Variants in ARAP1 observed in about 807,000 individuals in gnomAD.
The protein encoded by ARAP1 is arf-GAP with Rho-GAP domain, ANK repeat and PH domain-containing protein 1.
ARAP1 carries 76 observed loss-of-function variants against 172.2 expected under a neutral mutation model. The ratio of observed to expected loss-of-function variants is 0.44; its 90% CI spans 0.37 to 0.53. The LOEUF (loss-of-function observed/expected upper bound fraction) is 0.53, where lower values mean the gene tolerates loss of function less well. Ranked by LOEUF, ARAP1 falls within the 20% of genes least tolerant of loss-of-function variation. The probability of loss-of-function intolerance (pLI) is 0.00; values close to 1 mark genes in which losing one functional copy is unlikely to be tolerated. For synonymous variants in ARAP1, 804 were observed against 803.3 expected, an observed-to-expected ratio of 1.00 and a Z score of -0.01; for missense variants, 1,686 against 1,977.5, an observed-to-expected ratio of 0.85 and a Z score of 2.80.
At chr11:72,723,980 G>A (rs1266929500) in intron 3 of ARAP1, among the ~76,000 whole-genome samples, 2 of 152,228 alleles carry the variant, frequency 1.3e-5, no homozygotes, top group African/African-American at 4.8e-5. Context: ...GCACACTCGC[G>A]GATGTACTCA....
intron 34 of ARAP1, 108 bp from the exon 35 acceptor site, chr11:72,685,789 A>T (rs776482508): frequency 6.0e-6 from 9 of 1,495,158 alleles, no homozygotes; most frequent in Non-Finnish European, 8.4e-6. Flanking sequence ...CCAGCCGGGG[A>T]GCACTCCAAT....
At position 72,695,521 on chromosome 11, in the gene ARAP1, C is replaced by A; in HGVS notation, c.3507+21G>T. The A allele has an allele frequency of 6.2e-7, 1 of 1,614,156 alleles. No individual in the cohort carries two copies. Among genetic ancestry groups the A allele is most frequent in the South Asian group, 1.1e-5 (1 of 91,090 alleles). On this transcript the variant is annotated intron_variant, in intron 25 of 34. Transcript: ENST00000393609. This position sits in a 1 kb window ranked among gnomAD's most constrained non-coding sequence, Gnocchi z 4.4. ...GTGCAGGTGGCAGGTCCAAGCCCCC[C>A]ACCCAGGCTCCAGCCTTCACCTGGG... is the stretch of plus-strand genomic sequence containing the variant.
chr11:72,702,459 T>C (rs2135518959), intron 15 of ARAP1, among the ~76,000 whole-genome samples: 1 of 152,226 alleles, frequency 6.6e-6, no homozygotes, highest in South Asian at 2.1e-4. Flanking sequence ...CCAAACCAAG[T>C]TCAGGATTGA....
Position 72,726,036 on chromosome 11 carries a change from G to A in ARAP1, c.509+584C>T, listed in dbSNP as rs1489801035. Among the ~76,000 whole-genome samples, 2 of 152,252 alleles carry A rather than the reference G, an allele frequency of 1.3e-5. No homozygotes were observed. The highest frequency in any genetic ancestry group is 4.1e-4 in the South Asian group (2 of 4,832). On this transcript the variant is annotated intron_variant, in intron 3 of 34. Transcript: ENST00000393609. This position sits in a 1 kb window ranked among gnomAD's most constrained non-coding sequence, Gnocchi z 6.5. Reference sequence around the variant, plus strand: ...CAGAGGAAACTCAAGAAAACACAGGGTACCAGAAGCCCCAGAGGGGAAACA... The same window carrying A: ...CAGAGGAAACTCAAGAAAACACAGGATACCAGAAGCCCCAGAGGGGAAACA...
At chr11:72,744,317 T>G (rs902459824) in intron 1 of ARAP1, among the ~76,000 whole-genome samples, 2 of 152,164 alleles carry the variant, frequency 1.3e-5, no homozygotes, top group African/African-American at 4.8e-5. Context: ...ATTTTACACA[T>G]GGAGAGCCAG....
chr11:72,726,903 G>A lies in ARAP1; in HGVS notation c.226C>T (p.Arg76Cys), dbSNP rs764506401. The A allele has an allele frequency of 1.1e-5, 17 of 1,585,284 alleles. No individual in the cohort carries two copies. The highest frequency in any genetic ancestry group is 6.7e-5 in the African/African-American group (5 of 74,438). Residue 76 changes from arginine to cysteine, a missense_variant, in exon 3 of 35, where the codon CGC becomes TGC. Coordinates refer to ENST00000393609, the MANE Select transcript of ARAP1 (RefSeq NM_001040118.3). The surrounding 1 kb of genome is among the most constrained non-coding windows in gnomAD (Gnocchi z 6.5). ...RAHTSPAPAP[R>C]PTPRPVPMKR... ...ATGGGCACAGGCCGTGGGGTGGGGC[G>A]GGGTGCAGGGGCCGGTGAGGTATGG...
intron 1 of ARAP1, among the ~76,000 whole-genome samples, chr11:72,736,361 C>G (rs1858024965): frequency 6.6e-6 from 1 of 151,612 alleles, no homozygotes; most frequent in Non-Finnish European, 1.5e-5. Flanking sequence ...TCCCACCTCC[C>G]CCTCCCCAGT....
Position 72,726,644 on chromosome 11 carries a change from G to T in ARAP1, c.485C>A (p.Thr162Asn). The change falls in exon 3 of 35, where the codon ACC (threonine) becomes AAC (asparagine). Residue 162 changes from threonine to asparagine, a missense_variant. Coordinates refer to ENST00000393609, the MANE Select transcript of ARAP1 (RefSeq NM_001040118.3). This position sits in a 1 kb window ranked among gnomAD's most constrained non-coding sequence, Gnocchi z 6.5. ...ELSVPPVPPR[T>N]GPPRLLVSLP... ...CCTCACCAGCAGGCGGGGGGGTCCG[G>T]TGCGGGGCGGCACGGGTGGAACGCT... 6.5e-7 allele frequency: 1 copy of T among 1,526,962 alleles called. No individual in the cohort carries two copies. Among genetic ancestry groups the T allele is most frequent in the Non-Finnish European group, 8.8e-7 (1 of 1,135,906 alleles). 94.6% of individuals were successfully genotyped at this position (1,526,962 alleles called of 1,614,324 possible). A position where few individuals can be genotyped will look rare whatever the true frequency, so the allele number is the denominator to read the frequency against.
intron 18 of ARAP1, 85 bp downstream of exon 18, chr11:72,698,920 G>A (rs1459965086): frequency 2.2e-6 from 3 of 1,376,150 alleles, no homozygotes; most frequent in Non-Finnish European, 3.1e-6. Flanking sequence ...TCTAGACGGG[G>A]GAGCTGGGAT....
intron 29 of ARAP1, 114 bp from the exon 30 acceptor site, chr11:72,692,899 G>A: frequency 1.5e-6 from 2 of 1,379,014 alleles, no homozygotes; most frequent in Non-Finnish European, 1.0e-6. Context: ...GCAGAAGGTG[G>A]AGGGTGTCAA....
At chr11:72,731,557 C>T (rs1243972704) in intron 2 of ARAP1, among the ~76,000 whole-genome samples, 3 of 152,222 alleles carry the variant, frequency 2.0e-5, no homozygotes, top group African/African-American at 7.2e-5. Flanking sequence ...GCTTATACAG[C>T]CTGCAGAGCC....
At chr11:72,739,617 C>T (rs1298209470) in intron 1 of ARAP1, among the ~76,000 whole-genome samples, 1 of 152,196 alleles carries the variant, frequency 6.6e-6, no homozygotes, top group Non-Finnish European at 1.5e-5. Context: ...TCAGTTTCCC[C>T]TCCACAAAGT....
In ARAP1 at chr11:72,710,002, G is replaced by T; in HGVS notation, c.1417-26C>A. 2 of 1,599,444 alleles carry T rather than the reference G, an allele frequency of 1.3e-6. No individual in the cohort carries two copies. The highest frequency in any genetic ancestry group is 1.7e-6 in the Non-Finnish European group (2 of 1,166,710). On this transcript the variant is annotated intron_variant, in intron 10 of 34. Coordinates refer to ENST00000393609, the MANE Select transcript of ARAP1 (RefSeq NM_001040118.3). This position sits in a 1 kb window ranked among gnomAD's most constrained non-coding sequence, Gnocchi z 4.3. ...CTGGAGGGCAGATGGGACGGGATGA[G>T]GGCAAGGCTTTGGGGGCAGGGCGTG...
intron 4 of ARAP1, among the ~76,000 whole-genome samples, chr11:72,713,932 C>T (rs773235541): frequency 2.0e-5 from 3 of 152,140 alleles, no homozygotes; most frequent in Non-Finnish European, 2.9e-5. Context: ...GCCATGGCCC[C>T]ACACTTAACG....
rs1283218409 is a variant in ARAP1 at position 72,725,899 on chromosome 11, C to A, written c.509+721G>T. Among the ~76,000 whole-genome samples the A allele has an allele frequency of 6.6e-6, 1 of 152,164 alleles. No individual in the cohort carries two copies. Among genetic ancestry groups the A allele is most frequent in the Non-Finnish European group, 1.5e-5 (1 of 68,018 alleles). On this transcript the variant is annotated intron_variant, in intron 3 of 34. Coordinates refer to ENST00000393609, the MANE Select transcript of ARAP1 (RefSeq NM_001040118.3). This position sits in a 1 kb window ranked among gnomAD's most constrained non-coding sequence, Gnocchi z 4.3. ...GTGCTCCACCAAATCTCCCTCACCCCAAACACATATCTACCCTGTCTGGGG... is the reference window on the plus strand; with the variant it reads ...GTGCTCCACCAAATCTCCCTCACCCAAAACACATATCTACCCTGTCTGGGG...
At chr11:72,687,015 C>G (rs1855719785) in intron 33 of ARAP1, among the ~76,000 whole-genome samples, 1 of 152,226 alleles carries the variant, frequency 6.6e-6, no homozygotes, top group Non-Finnish European at 1.5e-5. Context: ...CTGTGCTTCT[C>G]TTGCATATCT....
intron 3 of ARAP1, among the ~76,000 whole-genome samples, chr11:72,718,324 C>G (rs1441613941): frequency 2.6e-5 from 4 of 152,142 alleles, no homozygotes; most frequent in Non-Finnish European, 2.9e-5. Context: ...AAGTCCCAGC[C>G]TCTCACTGCT....
chr11:72,704,187 G>A lies in ARAP1; in HGVS notation c.1957C>T (p.His653Tyr), dbSNP rs1856648809. The stretch of plus-strand genomic sequence containing the variant: ...TCCTCCTGGTTGCCAAAGAGCGGGT[G>A]GTAGCGGCGGTACTTGCCCTCACGG... ...KYREGKYRRY[H>Y]PLFGNQEELD... The change falls in exon 14 of 35, where the codon CAC becomes TAC. Residue 653 changes from histidine (H) to tyrosine (Y), a missense_variant. Transcript: ENST00000393609. 3.7e-6 allele frequency: 6 copies of A among 1,614,090 alleles called. No individual in the cohort carries two copies. The East Asian group carries it at 1.1e-4, about 30-fold the overall frequency.
intron 34 of ARAP1, 177 bp downstream of exon 34, chr11:72,685,865 G>A: frequency 2.9e-6 from 4 of 1,366,744 alleles, no homozygotes; most frequent in Non-Finnish European, 4.1e-6. Context: ...CAGGCAGAAG[G>A]GGCTCCTTTG....
Sources: gnomAD v4.1 joint callset for allele counts (sites outside exome capture counted in the v4.1 genomes callset) on GRCh38, gnomAD v4.1.1 for gene constraint, Gnocchi (gnomAD v3.1) non-coding constraint, MANE v1.5 for transcripts, NCBI Gene and HGNC (gene_info 2026-07-23, HGNC 2026-07-21) for gene names.